Variants in OCA2 observed in about 807,000 individuals in gnomAD.
The protein encoded by OCA2 is OCA2 melanosomal transmembrane protein.
In OCA2, 77 loss-of-function variants were observed where a neutral mutation model predicts 100.2. The observed-to-expected ratio is 0.77, with a 90% CI of 0.64 to 0.93. The LOEUF is 0.93. OCA2 is among the 40% of genes least tolerant of loss of function. OCA2 has a pLI of 0.00. For missense variants in OCA2, 1,062 were observed against 1,089.1 expected (o/e 0.98, Z 0.35); for synonymous variants, 432 against 439.2 (o/e 0.98, Z 0.21).
intron 23 of OCA2, among the ~76,000 whole-genome samples, chr15:27,835,698 CTGGCAATGATA>C (rs1382814998): frequency 6.6e-6 from 1 of 152,242 alleles, no homozygotes; most frequent in Non-Finnish European, 1.5e-5. Context: ...TCTCAGGCTC[CTGGCAATGATA>C]TGCAATGGCG....
chr15:28,070,276 C>T (rs1202963780), intron 2 of OCA2, among the ~76,000 whole-genome samples: 1 of 142,994 alleles, frequency 7.0e-6, no homozygotes, highest in Non-Finnish European at 1.5e-5. Context: ...TGAGGAGCGT[C>T]TCCGCCCGGC....
At chr15:27,997,637 C>G (rs2041793302) in intron 9 of OCA2, among the ~76,000 whole-genome samples, 1 of 147,194 alleles carries the variant, frequency 6.8e-6, no homozygotes. Flanking sequence ...GTTCTTTTGG[C>G]TTAGGATTGA....
chr15:27,845,712 G>C (rs531691689), intron 22 of OCA2, among the ~76,000 whole-genome samples: 1 of 152,166 alleles, frequency 6.6e-6, no homozygotes. Flanking sequence ...GTCGCTCCCA[G>C]CCATCGTGGT....
intron 23 of OCA2, among the ~76,000 whole-genome samples, 171 bp downstream of exon 23, chr15:27,844,788 A>G (rs2035471516): frequency 1.3e-5 from 2 of 152,178 alleles, no homozygotes; most frequent in Admixed American, 1.3e-4. Context: ...GGCGTGAGCC[A>G]CCAGCAATAA....
chr15:28,010,978 C>G lies in OCA2; in HGVS notation c.1044+3798G>C, dbSNP rs1453508406. 2.0e-5 allele frequency among the ~76,000 whole-genome samples: 3 copies of G among 152,194 alleles called. No homozygotes were observed. In the East Asian group the frequency reaches 5.8e-4, roughly 29 times the overall value. On this transcript the variant is annotated intron_variant, in intron 9 of 23. Transcript: ENST00000354638. ...AGATAGTGTGGTACTGGTAGAGGAACAGACACATTACCAATGGGACAGAAT... is the reference window on the plus strand; with the variant it reads ...AGATAGTGTGGTACTGGTAGAGGAAGAGACACATTACCAATGGGACAGAAT...
chr15:27,951,633 C>T, intron 18 of OCA2, 151 bp downstream of exon 18: 1 of 705,794 alleles, frequency 1.4e-6, no homozygotes, highest in African/African-American at 1.8e-5. Flanking sequence ...CCCTTCTTCC[C>T]AGGGCAGGCT....
chr15:27,899,339 T>C (rs1455694725), intron 19 of OCA2, among the ~76,000 whole-genome samples: 3 of 152,136 alleles, frequency 2.0e-5, no homozygotes, highest in African/African-American at 4.8e-5. Context: ...CACATGATAA[T>C]AGGGACTTTG....
At chr15:27,871,325 C>T (rs944167981) in intron 20 of OCA2, 67 bp from the exon 21 acceptor site, 22 of 1,254,130 alleles carry the variant, frequency 1.8e-5, no homozygotes, top group Middle Eastern at 3.7e-4. Flanking sequence ...CCACCAGCCG[C>T]GAGACTCAGA....
the OCA2 span, among the ~76,000 whole-genome samples, chr15:27,731,268 C>CTT: frequency 6.6e-6 from 1 of 152,132 alleles, no homozygotes; most frequent in Non-Finnish European, 1.5e-5. Context: ...AACTCATATA[C>CTT]TTTGTCATAA....
intron 19 of OCA2, among the ~76,000 whole-genome samples, chr15:27,901,907 G>A (rs1445216034): frequency 6.6e-6 from 1 of 152,188 alleles, no homozygotes; most frequent in Non-Finnish European, 1.5e-5. Context: ...TCAGCGAGTT[G>A]TGCCCAAGGA....
chr15:28,006,729 G>A lies in OCA2; in HGVS notation c.1044+8047C>T, dbSNP rs753324254. Among the ~76,000 whole-genome samples the A allele has an allele frequency of 4.0e-4, 61 of 152,248 alleles. 1 individual carries two copies. The highest frequency in any genetic ancestry group is 1.8e-3 in the Admixed American group (27 of 15,292). On this transcript the variant is annotated intron_variant, in intron 9 of 23. Coordinates refer to ENST00000354638, the MANE Select transcript of OCA2 (RefSeq NM_000275.3). Reference sequence around the variant, plus strand: ...ATGCAATATGTTCCATGAATCAGCAGTAAGAAGAGGCTTGCAGACAAAAAG... The same window carrying A: ...ATGCAATATGTTCCATGAATCAGCAATAAGAAGAGGCTTGCAGACAAAAAG...
chr15:27,799,133 G>A (rs1436614506), intron 23 of OCA2, among the ~76,000 whole-genome samples: 2 of 152,158 alleles, frequency 1.3e-5, no homozygotes, highest in Non-Finnish European at 2.9e-5. Flanking sequence ...CAATCGTCAG[G>A]CAAACTCCAG....
At chr15:27,968,746 G>C (rs530094140) in intron 14 of OCA2, among the ~76,000 whole-genome samples, 2 of 152,258 alleles carry the variant, frequency 1.3e-5, no homozygotes, top group African/African-American at 4.8e-5. Flanking sequence ...ACAAATGACA[G>C]GTGGAGCTAT....
chr15:28,019,014 T>A (rs1042024396), intron 6 of OCA2, among the ~76,000 whole-genome samples: 5 of 152,266 alleles, frequency 3.3e-5, no homozygotes, highest in African/African-American at 1.2e-4. Context: ...ATGAAATACA[T>A]GAGTATGCCT....
chr15:27,755,424 A>G lies in OCA2; in HGVS notation c.2481T>C (p.Tyr827=). The G allele has an allele frequency of 1.2e-6, 2 of 1,614,000 alleles. No homozygotes were observed. The highest frequency in any genetic ancestry group is 1.7e-6 in the Non-Finnish European group (2 of 1,179,868). Residue 827 remains tyrosine, a synonymous_variant, in exon 24 of 24, where the codon TAT becomes TAC. Transcript: ENST00000354638. The part of the protein sequence containing the change: ...MVVSCTVGMC[Y]LLVAHVVVGW... ...CCACCACCACATGAGCCACAAGGAG[A>G]TAACACATCCCAACAGTGCAGGACA... is the stretch of plus-strand genomic sequence containing the variant.
chr15:28,064,352 G>T (rs1480155677), intron 2 of OCA2, among the ~76,000 whole-genome samples: 1 of 151,696 alleles, frequency 6.6e-6, no homozygotes, highest in Non-Finnish European at 1.5e-5. Context: ...ATGTTTTCTG[G>T]TCCTTTCTCT....
At chr15:27,824,629 T>TATA (rs1224630660) in intron 23 of OCA2, among the ~76,000 whole-genome samples, 2 of 135,538 alleles carry the variant, frequency 1.5e-5, no homozygotes, top group African/African-American at 2.8e-5. Context: ...TATAATATAA[T>TATA]ATATATATGT....
At chr15:27,987,928 A>G (rs1212140618) in intron 11 of OCA2, among the ~76,000 whole-genome samples, 1 of 152,210 alleles carries the variant, frequency 6.6e-6, no homozygotes, top group Non-Finnish European at 1.5e-5. Flanking sequence ...AAATGTCCCC[A>G]GTCAATTTAG....
At chr15:27,729,933 T>C in the OCA2 span, among the ~76,000 whole-genome samples, 3 of 152,198 alleles carry the variant, frequency 2.0e-5, no homozygotes, top group Admixed American at 2.0e-4. Context: ...GCACCAAAAA[T>C]GTGGGTTGTT....
Sources: allele counts gnomAD v4.1 joint callset (sites outside exome capture counted in the v4.1 genomes callset), GRCh38; gene constraint gnomAD v4.1.1; transcripts MANE v1.5; gene names NCBI Gene and HGNC (gene_info 2026-07-23, HGNC 2026-07-21).